TMEM38B: variants seen among roughly 807,000 people sequenced by gnomAD.
TMEM38B encodes transmembrane protein 38B.
A neutral mutation model predicts 28.7 loss-of-function variants in TMEM38B; 24 were observed. The ratio of observed to expected loss-of-function variants is 0.84; its 90% CI spans 0.61 to 1.18. TMEM38B has a LOEUF of 1.18. Among genes scored for constraint, TMEM38B ranks in the 50% most tolerant of loss-of-function variants. The pLI, the probability that TMEM38B is intolerant of heterozygous loss-of-function variation, is 0.00. For synonymous variants in TMEM38B, 131 were observed against 127.7 expected (o/e 1.03, Z -0.17); for missense variants, 380 against 350.9 (o/e 1.08, Z -0.66).
intron 5 of TMEM38B, among the ~76,000 whole-genome samples, chr9:105,768,622 T>G (rs986844335): frequency 6.6e-6 from 1 of 152,198 alleles, no homozygotes; most frequent in Non-Finnish European, 1.5e-5. Context: ...TACTTGTGTC[T>G]GTTTTACTAA....
At chr9:105,695,619 A>G (rs1274736384) in intron 1 of TMEM38B, among the ~76,000 whole-genome samples, 1 of 151,878 alleles carries the variant, frequency 6.6e-6, no homozygotes, top group Non-Finnish European at 1.5e-5. Flanking sequence ...AGTTGTATGG[A>G]CCTCTTCTTT....
intron 4 of TMEM38B, among the ~76,000 whole-genome samples, chr9:105,733,187 G>A (rs1035787488): frequency 1.3e-5 from 2 of 152,084 alleles, no homozygotes; most frequent in African/African-American, 4.8e-5. Flanking sequence ...GTGCGATGTG[G>A]TGCTGAGAAG....
rs1216278906 is a variant in TMEM38B at position 105,775,652 on chromosome 9, T to C, written c.*1572T>C. ...GAAAGCTTTAAGTATTTAAGAGCTC[T>C]GTATTATATTTGATACTCTTACAGT... is the stretch of plus-strand genomic sequence containing the variant. On this transcript the variant is annotated 3_prime_UTR_variant, in exon 6 of 6. Coordinates refer to ENST00000374692, the MANE Select transcript of TMEM38B (RefSeq NM_018112.3). 1 of 152,142 alleles carries C rather than the reference T, an allele frequency of 6.6e-6. No homozygotes were observed. The highest frequency in any genetic ancestry group is 1.9e-4 in the East Asian group (1 of 5,204). The allele number at this position is 152,142 out of a possible 1,614,324, so 9.4% of individuals were successfully genotyped here. A position where few individuals can be genotyped will look rare whatever the true frequency, so the allele number is the denominator to read the frequency against.
Position 105,742,829 on chromosome 9 carries a change from ATCTT to A in TMEM38B, c.543-5243_543-5240del, listed in dbSNP as rs1249165970. 1.1e-3 allele frequency among the ~76,000 whole-genome samples: 172 copies of A among 152,354 alleles called. 8 individuals are homozygous for A. In the South Asian group the frequency reaches 0.035, roughly 31 times the overall value. On this transcript the variant is annotated intron_variant, in intron 4 of 5. Transcript: ENST00000374692. ...AAAACAGATATAATTCCATGTTTTT[ATCTT>A]ATCCTTTTAAATTTTTAATTTTGTG... is the stretch of plus-strand genomic sequence containing the variant.
chr9:105,723,721 G>A (rs1264362947), intron 4 of TMEM38B, among the ~76,000 whole-genome samples: 5 of 152,118 alleles, frequency 3.3e-5, no homozygotes, highest in African/African-American at 1.2e-4. Flanking sequence ...TGTAGAGATG[G>A]GGTCTTGCTG....
rs1471931168 is a variant in TMEM38B at position 105,746,213 on chromosome 9, G to C, written c.543-1860G>C. Among the ~76,000 whole-genome samples the C allele has an allele frequency of 4.1e-5, 6 of 146,638 alleles. No homozygotes were observed. In the East Asian group the frequency reaches 1.3e-3, roughly 31 times the overall value. Reference sequence around the variant, plus strand: ...CGATATTGATTCTTCCTACTCATGAGCATGGAATGTTCTTCCATTTGTATC... The same window carrying C: ...CGATATTGATTCTTCCTACTCATGACCATGGAATGTTCTTCCATTTGTATC... On this transcript the variant is annotated intron_variant, in intron 4 of 5. Coordinates refer to ENST00000374692, the MANE Select transcript of TMEM38B (RefSeq NM_018112.3).
At chr9:105,702,352 T>C (rs762249111) in intron 1 of TMEM38B, among the ~76,000 whole-genome samples, 1 of 152,192 alleles carries the variant, frequency 6.6e-6, no homozygotes, top group Non-Finnish European at 1.5e-5. Flanking sequence ...TGCTTCTTTC[T>C]AGAAGTTATG....
chr9:105,747,418 T>G (rs1390840570), intron 4 of TMEM38B, among the ~76,000 whole-genome samples: 2 of 152,198 alleles, frequency 1.3e-5, no homozygotes, highest in African/African-American at 4.8e-5. Flanking sequence ...GGATCGGTGG[T>G]GATATCCCCT....
At chr9:105,747,446 G>A (rs144999820) in intron 4 of TMEM38B, among the ~76,000 whole-genome samples, 1,611 of 151,720 alleles carry the variant, frequency 0.011, 24 homozygotes, top group African/African-American at 0.035. Flanking sequence ...TTTTTATTGC[G>A]TCTATTTGAG....
chr9:105,709,636 G>A (rs1322456774), intron 2 of TMEM38B, among the ~76,000 whole-genome samples: 1 of 152,188 alleles, frequency 6.6e-6, no homozygotes, highest in African/African-American at 2.4e-5. Flanking sequence ...ATACTGACTA[G>A]GATAGAGGTG....
At chr9:105,740,591 C>T (rs1455316284) in intron 4 of TMEM38B, among the ~76,000 whole-genome samples, 3 of 152,024 alleles carry the variant, frequency 2.0e-5, no homozygotes, top group South Asian at 2.1e-4. Flanking sequence ...AATGCTAGTA[C>T]GTGGAATTGT....
At chr9:105,697,704 T>C (rs988980133) in intron 1 of TMEM38B, among the ~76,000 whole-genome samples, 1 of 152,166 alleles carries the variant, frequency 6.6e-6, no homozygotes, top group African/African-American at 2.4e-5. Context: ...ATCTTTAACT[T>C]TGTTTATATT....
intron 2 of TMEM38B, among the ~76,000 whole-genome samples, chr9:105,717,441 G>A (rs1351060635): frequency 6.6e-6 from 1 of 152,058 alleles, no homozygotes; most frequent in Non-Finnish European, 1.5e-5. Context: ...TTTATAATAG[G>A]GAAAACTGGG....
At position 105,774,203 on chromosome 9, in the gene TMEM38B, A is replaced by G. The variant is rs1314796328; in HGVS notation, c.*123A>G. 5.1e-6 allele frequency: 4 copies of G among 790,576 alleles called. No individual in the cohort carries two copies. Among genetic ancestry groups the G allele is most frequent in the East Asian group, 5.4e-5 (2 of 37,254 alleles). The allele number at this position is 790,576 out of a possible 1,614,324, so 49.0% of individuals were successfully genotyped here. On this transcript the variant is annotated 3_prime_UTR_variant, in exon 6 of 6. Transcript: ENST00000374692. ...ATATATATGGAATGGAGGTGACAGAAAGAAAGAAATTCTTTGTTTGAGGGA... is the reference window on the plus strand; with the variant it reads ...ATATATATGGAATGGAGGTGACAGAGAGAAAGAAATTCTTTGTTTGAGGGA...
At chr9:105,759,300 C>T (rs879293759) in intron 5 of TMEM38B, 6 of 816,064 alleles carry the variant, frequency 7.4e-6, no homozygotes, top group Non-Finnish European at 1.3e-5. Flanking sequence ...AGATGATCCA[C>T]AGTCTTAAAA....
chr9:105,749,458 A>G (rs1837564300), intron 5 of TMEM38B, among the ~76,000 whole-genome samples: 1 of 152,168 alleles, frequency 6.6e-6, no homozygotes, highest in Non-Finnish European at 1.5e-5. Flanking sequence ...TCCCAAGAAC[A>G]GCACAGGAAA....
At chr9:105,752,249 G>T (rs956263264) in intron 5 of TMEM38B, among the ~76,000 whole-genome samples, 1 of 152,144 alleles carries the variant, frequency 6.6e-6, no homozygotes, top group Non-Finnish European at 1.5e-5. Flanking sequence ...ATTCTAGGCT[G>T]CCGGCTTTGG....
At chr9:105,746,096 A>G (rs971461573) in intron 4 of TMEM38B, among the ~76,000 whole-genome samples, 1 of 152,186 alleles carries the variant, frequency 6.6e-6, no homozygotes, top group South Asian at 2.1e-4. Flanking sequence ...ACTTTAAAGT[A>G]GTTTTTTCCA....
intron 5 of TMEM38B, among the ~76,000 whole-genome samples, chr9:105,764,061 AG>A (rs1203723739): frequency 1.4e-5 from 2 of 148,074 alleles, no homozygotes; most frequent in Non-Finnish European, 3.0e-5. Context: ...TCAATAAATT[AG>A]GTATTGATGG....
Sources: gnomAD v4.1 joint callset for allele counts (sites outside exome capture counted in the v4.1 genomes callset) on GRCh38, gnomAD v4.1.1 for gene constraint, MANE v1.5 for transcripts, NCBI Gene and HGNC (gene_info 2026-07-23, HGNC 2026-07-21) for gene names.